The following PALS2 variants were observed in gnomAD, a reference collection of about 807,000 sequenced individuals.
PALS2 encodes the protein protein associated with LIN7 2, MAGUK p55 family member, also known as protein PALS2.
PALS2 carries 27 observed loss-of-function variants against 61.6 expected under a neutral mutation model. The observed-to-expected ratio is 0.44, with a 90% CI of 0.32 to 0.60. The LOEUF (loss-of-function observed/expected upper bound fraction) is 0.60. Ranked by LOEUF, PALS2 falls within the 20% of genes least tolerant of loss-of-function variation. The pLI, the probability that PALS2 is intolerant of heterozygous loss-of-function variation, is 0.05. For missense variants in PALS2, 554 were observed against 639.4 expected (o/e 0.87, Z 1.44); for synonymous variants, 236 against 218.6 (o/e 1.08, Z -0.70).
chr7:24,628,063 A>G (rs1784827303), intron 2 of PALS2, among the ~76,000 whole-genome samples: 2 of 152,296 alleles, frequency 1.3e-5, no homozygotes, highest in Non-Finnish European at 2.9e-5. Context: ...GAGACACAAC[A>G]AAAAAGAAAA....
At chr7:24,662,768 G>GAAAAAAA (rs59367702) in intron 5 of PALS2, among the ~76,000 whole-genome samples, 30 of 102,642 alleles carry the variant, frequency 2.9e-4, no homozygotes, top group Non-Finnish European at 4.3e-4. Flanking sequence ...GACTCCATCT[G>GAAAAAAA]AAAAAAAAAA....
chr7:24,648,423 G>C (rs9654976), intron 3 of PALS2, among the ~76,000 whole-genome samples: 22 of 150,554 alleles, frequency 1.5e-4, no homozygotes, highest in African/African-American at 4.9e-4. Flanking sequence ...CTCCCGAGTA[G>C]CTGGGATTAC....
chr7:24,633,511 G>A (rs996893630), intron 2 of PALS2, among the ~76,000 whole-genome samples: 6 of 134,216 alleles, frequency 4.5e-5, no homozygotes, highest in African/African-American at 1.6e-4. Context: ...TTTATTTTCT[G>A]CAGTTTGAAT....
At chr7:24,605,382 C>A (rs563458758) in intron 1 of PALS2, among the ~76,000 whole-genome samples, 1 of 152,088 alleles carries the variant, frequency 6.6e-6, no homozygotes, top group Non-Finnish European at 1.5e-5. Context: ...AAAAGAATAA[C>A]ATGGTTTCAT....
At chr7:24,660,378 C>T (rs949152648) in intron 5 of PALS2, among the ~76,000 whole-genome samples, 5 of 152,158 alleles carry the variant, frequency 3.3e-5, no homozygotes, top group African/African-American at 1.2e-4. Flanking sequence ...AGAATTTCTT[C>T]ATTCATATGC....
chr7:24,674,843 ATTGACATC>A (rs11278044), intron 9 of PALS2, among the ~76,000 whole-genome samples: 48,851 of 151,620 alleles, frequency 0.32, 11,195 homozygotes, highest in African/African-American at 0.66. Flanking sequence ...TCAATTTAAC[ATTGACATC>A]TTGACATCTT....
rs1395768999 is a variant in PALS2, at chr7:24,646,075, A to G, written c.271-3537A>G. On this transcript the variant is annotated intron_variant, in intron 3 of 11. Transcript: ENST00000222644. ...GGGCTGAGACTATGGGGTTTTCTAT[A>G]TATAGAATTACGTCATCTGCAAACA... Among the ~76,000 whole-genome samples the G allele has an allele frequency of 2.0e-5, 3 of 152,190 alleles. No individual in the cohort carries two copies. The East Asian group carries it at 5.8e-4, about 29-fold the overall frequency.
Position 24,690,608 on chromosome 7 carries a change from A to G in PALS2, c.*2994A>G, listed in dbSNP as rs1371419603. 3 of 152,164 alleles carry G rather than the reference A, an allele frequency of 2.0e-5. No individual in the cohort carries two copies. Among genetic ancestry groups the G allele is most frequent in the African/African-American group, 7.2e-5 (3 of 41,438 alleles). 9.4% of individuals were successfully genotyped at this position (152,164 alleles called of 1,614,324 possible). A position where few individuals can be genotyped will look rare whatever the true frequency, so the allele number is the denominator to read the frequency against. The stretch of plus-strand genomic sequence containing the variant: ...ATACCCATAGAGGTGATGTGCCTGG[A>G]TAAGTCATTTAACCATAGCTTAGTG... On this transcript the variant is annotated 3_prime_UTR_variant, in exon 12 of 12. Coordinates refer to ENST00000222644, the MANE Select transcript of PALS2 (RefSeq NM_001303037.2).
Position 24,640,869 on chromosome 7 carries a change from T to A in PALS2, c.118-847T>A, listed in dbSNP as rs149795543. On this transcript the variant is annotated intron_variant, in intron 2 of 11. Coordinates refer to ENST00000222644, the MANE Select transcript of PALS2 (RefSeq NM_001303037.2). ...TAAAAATACAAAAAATTAGCCAGGC[T>A]TGGTGGCGGGTACCTGTAGTCCCAG... 9.5e-3 allele frequency among the ~76,000 whole-genome samples: 1,434 copies of A among 151,626 alleles called. 14 individuals are homozygous for A. The highest frequency in any genetic ancestry group is 0.016 in the Non-Finnish European group (1,097 of 67,844).
At chr7:24,661,944 A>C (rs962485434) in intron 5 of PALS2, among the ~76,000 whole-genome samples, 3 of 152,068 alleles carry the variant, frequency 2.0e-5, no homozygotes, top group African/African-American at 7.2e-5. Context: ...CCGCCAACTA[A>C]ATTTCCTTTG....
chr7:24,630,513 G>T (rs944422070), intron 2 of PALS2, among the ~76,000 whole-genome samples: 6 of 152,070 alleles, frequency 3.9e-5, no homozygotes, highest in Non-Finnish European at 5.9e-5. Flanking sequence ...AGAAGAAGCT[G>T]CAACAAGTTA....
intron 1 of PALS2, among the ~76,000 whole-genome samples, chr7:24,578,013 G>A (rs563268420): frequency 6.6e-6 from 1 of 151,686 alleles, no homozygotes; most frequent in South Asian, 2.1e-4. Flanking sequence ...GTGTGATCAC[G>A]GCTCACTGCA....
chr7:24,659,439 T>C (rs941406973), intron 5 of PALS2, among the ~76,000 whole-genome samples: 5 of 152,260 alleles, frequency 3.3e-5, no homozygotes, highest in African/African-American at 1.2e-4. Flanking sequence ...CTTTCCACAG[T>C]GGCTGAACTA....
chr7:24,626,455 A>C (rs1300561762), intron 2 of PALS2, among the ~76,000 whole-genome samples: 1 of 151,824 alleles, frequency 6.6e-6, no homozygotes, highest in Non-Finnish European at 1.5e-5. Flanking sequence ...CTTTGCAGTT[A>C]CTGCCTTTTT....
At chr7:24,658,876 G>A (rs1042280297) in intron 5 of PALS2, among the ~76,000 whole-genome samples, 2 of 152,002 alleles carry the variant, frequency 1.3e-5, no homozygotes, top group Non-Finnish European at 2.9e-5. Flanking sequence ...TAGGTTCAAG[G>A]GGTATGTGTA....
Position 24,691,424 on chromosome 7 carries a change from T to C in PALS2, c.*3810T>C. ...GTGTGTGTATATATATATATATATA[T>C]ATATATATATATATATATATACAGC... On this transcript the variant is annotated 3_prime_UTR_variant, in exon 12 of 12. Coordinates refer to ENST00000222644, the MANE Select transcript of PALS2 (RefSeq NM_001303037.2). The C allele has an allele frequency of 7.0e-6, 1 of 143,360 alleles. No homozygotes were observed. The highest frequency in any genetic ancestry group is 2.2e-4 in the South Asian group (1 of 4,532). The allele number at this position is 143,360 out of a possible 1,614,324, so 8.9% of individuals were successfully genotyped here.
intron 2 of PALS2, among the ~76,000 whole-genome samples, chr7:24,632,275 A>T (rs902037493): frequency 6.6e-6 from 1 of 152,120 alleles, no homozygotes; most frequent in Non-Finnish European, 1.5e-5. Context: ...AGTTTTCTTT[A>T]GTTAATGTTA....
chr7:24,608,878 G>A (rs1027627960), intron 1 of PALS2, among the ~76,000 whole-genome samples: 1 of 152,094 alleles, frequency 6.6e-6, no homozygotes, highest in African/African-American at 2.4e-5. Context: ...CTCCTGAAAT[G>A]CTGGCATTAC....
chr7:24,670,054 T>G (rs910759093), intron 9 of PALS2, among the ~76,000 whole-genome samples: 22 of 152,204 alleles, frequency 1.4e-4, no homozygotes, highest in African/African-American at 5.3e-4. Context: ...CTATTTCTTT[T>G]GGTTGTGTTC....
Sources: gnomAD v4.1 joint callset for allele counts (sites outside exome capture counted in the v4.1 genomes callset) on GRCh38, gnomAD v4.1.1 for gene constraint, MANE v1.5 for transcripts, NCBI Gene and HGNC (gene_info 2026-07-23, HGNC 2026-07-21) for gene names.